Variants in ADK observed in about 807,000 individuals in gnomAD.
The protein encoded by ADK is N6,N6-dimethyladenosine kinase.
Under a neutral mutation model 44.7 loss-of-function variants are expected in ADK, and 24 were observed. The ratio of observed to expected loss-of-function variants is 0.54; its 90% CI spans 0.39 to 0.76. The LOEUF (loss-of-function observed/expected upper bound fraction) is 0.76, where lower values mean the gene tolerates loss of function less well. Ranked by LOEUF, ADK falls within the 30% of genes least tolerant of loss-of-function variation. The probability of loss-of-function intolerance (pLI) is 0.00; values close to 1 mark genes in which losing one functional copy is unlikely to be tolerated. For missense variants in ADK, 321 were observed against 425.1 expected (o/e 0.76, Z 2.15); for synonymous variants, 128 against 142.6 (o/e 0.90, Z 0.73).
chr10:74,616,313 A>C (rs1438963336), intron 9 of ADK, among the ~76,000 whole-genome samples: 2 of 151,892 alleles, frequency 1.3e-5, no homozygotes, highest in Non-Finnish European at 2.9e-5. Context: ...TTGTGAAGAT[A>C]CTCTTCTGTT....
At chr10:74,202,283 A>G (rs771083533) in intron 2 of ADK, among the ~76,000 whole-genome samples, 7 of 152,196 alleles carry the variant, frequency 4.6e-5, no homozygotes, top group Non-Finnish European at 8.8e-5. Flanking sequence ...ATGTTGTAGC[A>G]TGTATCAGTC....
chr10:74,406,787 T>G (rs1472634180), intron 6 of ADK, among the ~76,000 whole-genome samples: 1 of 151,828 alleles, frequency 6.6e-6, no homozygotes, highest in African/African-American at 2.4e-5. Context: ...TTCAAGTGAT[T>G]CTCCTGCCTC....
intron 6 of ADK, among the ~76,000 whole-genome samples, chr10:74,405,335 G>C (rs1241183784): frequency 2.0e-5 from 3 of 150,726 alleles, no homozygotes; most frequent in African/African-American, 7.3e-5. Context: ...TACCACCTGA[G>C]CTCCACCTCC....
At chr10:74,571,011 T>A (rs900979706) in intron 7 of ADK, among the ~76,000 whole-genome samples, 2 of 152,244 alleles carry the variant, frequency 1.3e-5, no homozygotes, top group African/African-American at 4.8e-5. Flanking sequence ...TTGTTGAATT[T>A]TATCAAAGGC....
intron 6 of ADK, among the ~76,000 whole-genome samples, chr10:74,485,951 G>A (rs1847252741): frequency 6.6e-6 from 1 of 152,050 alleles, no homozygotes; most frequent in South Asian, 2.1e-4. Context: ...ATATGTTTTT[G>A]GAAAGTCAAA....
At chr10:74,219,366 A>T (rs536706947) in intron 2 of ADK, among the ~76,000 whole-genome samples, 7,495 of 152,160 alleles carry the variant, frequency 0.049, 638 homozygotes, top group African/African-American at 0.17. Flanking sequence ...CAGATTCATA[A>T]AGCAAGTCCT....
At chr10:74,251,053 C>T (rs565319874) in intron 3 of ADK, among the ~76,000 whole-genome samples, 1 of 152,106 alleles carries the variant, frequency 6.6e-6, no homozygotes, top group Non-Finnish European at 1.5e-5. Flanking sequence ...AGAGTTAGAA[C>T]TGACAGGATT....
intron 3 of ADK, among the ~76,000 whole-genome samples, chr10:74,290,398 A>C (rs778204689): frequency 2.0e-5 from 3 of 152,134 alleles, no homozygotes; most frequent in Non-Finnish European, 4.4e-5. Context: ...TGATATTTTA[A>C]AAATATTTAC....
intron 9 of ADK, among the ~76,000 whole-genome samples, chr10:74,607,674 C>G (rs1450825394): frequency 6.6e-6 from 1 of 152,174 alleles, no homozygotes; most frequent in Non-Finnish European, 1.5e-5. Context: ...CTTTTTCCTT[C>G]ATTTCAACCT....
chr10:74,481,236 C>T (rs1440623627), intron 6 of ADK, among the ~76,000 whole-genome samples: 2 of 152,150 alleles, frequency 1.3e-5, no homozygotes, highest in African/African-American at 2.4e-5. Flanking sequence ...AATTTGGTTT[C>T]AGATTATTGC....
rs371605308 is a variant in ADK, at chr10:74,330,280, T to C, written c.273+15535T>C. 2.3e-4 allele frequency among the ~76,000 whole-genome samples: 35 copies of C among 152,256 alleles called. 1 individual carries two copies. The highest frequency in any genetic ancestry group is 6.8e-3 in the Middle Eastern group (2 of 294). ...ATGAGAAGAAAGCCAGGTGTGGTGG[T>C]GCATACCTGTAGTCCCTGCTACTCA... On this transcript the variant is annotated intron_variant, in intron 4 of 10. Transcript: ENST00000539909.
chr10:74,474,984 G>A (rs904031068), intron 6 of ADK, among the ~76,000 whole-genome samples: 1 of 152,008 alleles, frequency 6.6e-6, no homozygotes, highest in Non-Finnish European at 1.5e-5. Flanking sequence ...AATTAACTGG[G>A]CGTGGTGGCA....
At chr10:74,683,912 T>G (rs1855703987) in intron 10 of ADK, among the ~76,000 whole-genome samples, 2 of 152,232 alleles carry the variant, frequency 1.3e-5, no homozygotes, top group African/African-American at 4.8e-5. Context: ...CTCTCTAGGT[T>G]TAACTGAGTT....
intron 3 of ADK, among the ~76,000 whole-genome samples, chr10:74,294,298 T>C (rs1037428058): frequency 2.0e-5 from 3 of 152,066 alleles, no homozygotes; most frequent in Non-Finnish European, 2.9e-5. Context: ...CTTTTTTTTT[T>C]TTTTTGAGAT....
chr10:74,151,627 C>T (rs954383637), intron 1 of ADK, among the ~76,000 whole-genome samples: 1 of 152,216 alleles, frequency 6.6e-6, no homozygotes, highest in Non-Finnish European at 1.5e-5. Context: ...TGCGAGCAAG[C>T]CCAGGCTGGG....
intron 3 of ADK, among the ~76,000 whole-genome samples, chr10:74,312,289 A>C (rs1840459757): frequency 1.2e-5 from 1 of 84,366 alleles, no homozygotes; most frequent in Admixed American, 1.2e-4. Flanking sequence ...ACACTTGTAG[A>C]TAGAGTGTGT....
At chr10:74,333,734 CA>C (rs543522502) in intron 4 of ADK, among the ~76,000 whole-genome samples, 48 of 152,056 alleles carry the variant, frequency 3.2e-4, no homozygotes, top group African/African-American at 1.2e-3. Flanking sequence ...AAAAAGATTT[CA>C]AAATTATAAG....
chr10:74,527,856 C>G (rs910312265), intron 7 of ADK: 48 of 989,564 alleles, frequency 4.9e-5, no homozygotes, highest in Non-Finnish European at 7.4e-5. Context: ...AGCTGCCAGC[C>G]AGATCTCTAA....
At chr10:74,647,113 A>C (rs957648126) in intron 9 of ADK, among the ~76,000 whole-genome samples, 3 of 151,524 alleles carry the variant, frequency 2.0e-5, no homozygotes, top group Non-Finnish European at 4.4e-5. Flanking sequence ...AAAAAAAAAA[A>C]ACTCTAGAGT....
Sources: gnomAD v4.1 joint callset for allele counts (sites outside exome capture counted in the v4.1 genomes callset) on GRCh38, gnomAD v4.1.1 for gene constraint, MANE v1.5 for transcripts, NCBI Gene and HGNC (gene_info 2026-07-23, HGNC 2026-07-21) for gene names.